NPEPL1: variants seen among roughly 807,000 people sequenced by gnomAD.
The protein encoded by NPEPL1 is probable aminopeptidase NPEPL1.
In NPEPL1, 45 loss-of-function variants were observed where a neutral mutation model predicts 52.4. That is an observed-to-expected ratio of 0.86 (90% CI 0.68 to 1.10). The LOEUF is 1.10. NPEPL1 is among the 50% of genes least tolerant of loss of function. NPEPL1 has a pLI of 0.00. For missense variants in NPEPL1, 696 were observed against 710.9 expected (o/e 0.98, Z 0.24); for synonymous variants, 360 against 314.7 (o/e 1.14, Z -1.52).
At chr20:58,700,671 G>A (rs1215467621) in intron 5 of NPEPL1, among the ~76,000 whole-genome samples, 1 of 152,216 alleles carries the variant, frequency 6.6e-6, no homozygotes, top group Non-Finnish European at 1.5e-5. Flanking sequence ...AAGTGGGGAC[G>A]AGCATGGGCT....
chr20:58,714,190 G>C (rs1368918542), intron 10 of NPEPL1, 97 bp downstream of exon 10: 3 of 1,408,810 alleles, frequency 2.1e-6, no homozygotes, highest in Admixed American at 5.9e-5. Context: ...GGGAGCTGGG[G>C]CCCCCCAGAA....
intron 7 of NPEPL1, 31 bp downstream of exon 7, chr20:58,707,231 G>T: frequency 2.0e-6 from 3 of 1,530,992 alleles, no homozygotes; most frequent in Non-Finnish European, 2.6e-6. Flanking sequence ...CTCTGCAGGG[G>T]CATCCTGGGT....
In NPEPL1 at chr20:58,693,721, C is replaced by G. The variant is rs201431001; in HGVS notation, c.151-16C>G. On this transcript the variant is annotated splice_polypyrimidine_tract_variant and intron_variant, in intron 1 of 11. Transcript: ENST00000356091. ...TGTTTGAAGCCTCTGTGTCTTGTCT[C>G]TCCCTTCTGATCTAGCTCTGGCAGG... 8 of 1,589,400 alleles carry G rather than the reference C, an allele frequency of 5.0e-6. No individual in the cohort carries two copies. Among genetic ancestry groups the G allele is most frequent in the Non-Finnish European group, 6.9e-6 (8 of 1,162,106 alleles).
Position 58,707,155 on chromosome 20 carries a change from G to A in NPEPL1, c.855G>A (p.Gly285=), listed in dbSNP as rs1333378278. The stretch of plus-strand genomic sequence containing the variant: ...TGCCGGGGATGAAGCGAGACTGCGG[G>A]GGTGCTGCGGCCGTCCTGGGGGCCT... ...TTMPGMKRDC[G]GAAAVLGAFR... is the part of the protein sequence containing the mutation. The change falls in exon 7 of 12, where the codon GGG becomes GGA. Residue 285 remains glycine (G), a synonymous_variant. Transcript: ENST00000356091. 4 of 1,552,726 alleles carry A rather than the reference G, an allele frequency of 2.6e-6. No individual in the cohort carries two copies. Among genetic ancestry groups the A allele is most frequent in the East Asian group, 2.4e-5 (1 of 41,182 alleles).
intron 6 of NPEPL1, among the ~76,000 whole-genome samples, chr20:58,702,255 C>T (rs1230449034): frequency 6.6e-6 from 1 of 152,254 alleles, no homozygotes; most frequent in Non-Finnish European, 1.5e-5. Context: ...GCGTTCTGTT[C>T]CCGCCTGGCA....
chr20:58,691,401 T>TTTTTGGGG, upstream of NPEPL1: 1 of 435,092 alleles, frequency 2.3e-6, no homozygotes, highest in Non-Finnish European at 4.0e-6. Flanking sequence ...TTTTTTTTTT[T>TTTTTGGGG]GAGTGCCTGC....
At position 58,698,793 on chromosome 20, in the gene NPEPL1, C is replaced by G. The variant is rs768904083; in HGVS notation, c.597+20C>G. The stretch of plus-strand genomic sequence containing the variant: ...CTCGAGGTTTGTGGCGTCATCAGGC[C>G]GGGGGTGGGACCAGGCTGGGGTGGG... On this transcript the variant is annotated intron_variant, in intron 4 of 11. Coordinates refer to ENST00000356091, the MANE Select transcript of NPEPL1 (RefSeq NM_024663.4). 1.3e-6 allele frequency: 2 copies of G among 1,597,896 alleles called. No individual in the cohort carries two copies. Among genetic ancestry groups the G allele is most frequent in the Non-Finnish European group, 1.7e-6 (2 of 1,167,940 alleles).
Position 58,704,008 on chromosome 20 carries a change from G to T in NPEPL1, c.822+2850G>T, listed in dbSNP as rs564989589. ...TATTTTAAACCAGCCCATCTTCCCC[G>T]CTGCAGTTGGAACCGTTCTACGTGG... On this transcript the variant is annotated intron_variant, in intron 6 of 11. Transcript: ENST00000356091. The T allele has an allele frequency of 1.1e-5, 11 of 985,306 alleles. No homozygotes were observed. In the African/African-American group the frequency reaches 1.9e-4, roughly 17 times the overall value. 61.0% of individuals were successfully genotyped at this position (985,306 alleles called of 1,614,324 possible).
chr20:58,711,625 T>G (rs927052057), intron 7 of NPEPL1: 1 of 152,588 alleles, frequency 6.6e-6, no homozygotes, highest in African/African-American at 2.4e-5. Context: ...CAGGGAGGTC[T>G]CAGGGACTCG....
rs994688882 is a variant in NPEPL1 at position 58,693,315 on chromosome 20, G to C, written c.150+265G>C. 1.1e-3 allele frequency: 186 copies of C among 165,604 alleles called. 1 individual carries two copies. The highest frequency in any genetic ancestry group is 1.5e-3 in the Non-Finnish European group (121 of 79,330). The allele number at this position is 165,604 out of a possible 1,614,324, so 10.3% of individuals were successfully genotyped here. A position where few individuals can be genotyped will look rare whatever the true frequency, so the allele number is the denominator to read the frequency against. Reference sequence around the variant, plus strand: ...GAGGCCGCGACACCTGCGGACGGCGGGGGGGGAGACGTGGCCGCTCCCAGG... The same window carrying C: ...GAGGCCGCGACACCTGCGGACGGCGCGGGGGGAGACGTGGCCGCTCCCAGG... On this transcript the variant is annotated intron_variant, in intron 1 of 11. Coordinates refer to ENST00000356091, the MANE Select transcript of NPEPL1 (RefSeq NM_024663.4).
In NPEPL1 at chr20:58,693,056, C is replaced by T; in HGVS notation, c.150+6C>T. 2 of 1,018,418 alleles carry T rather than the reference C, an allele frequency of 2.0e-6. No homozygotes were observed. The highest frequency in any genetic ancestry group is 7.5e-5 in the East Asian group (1 of 13,276). The allele number at this position is 1,018,418 out of a possible 1,614,324, so 63.1% of individuals were successfully genotyped here. A position where few individuals can be genotyped will look rare whatever the true frequency, so the allele number is the denominator to read the frequency against. On this transcript the variant is annotated splice_donor_region_variant and intron_variant, in intron 1 of 11. Coordinates refer to ENST00000356091, the MANE Select transcript of NPEPL1 (RefSeq NM_024663.4). ...AGCCCCGGGTCACCGAGGAGGTGAG[C>T]GGGCCGCCGGCCGCCATGCGACCCG...
At chr20:58,712,156 TTC>T (rs2084861733) in intron 7 of NPEPL1, among the ~76,000 whole-genome samples, 1 of 152,140 alleles carries the variant, frequency 6.6e-6, no homozygotes, top group South Asian at 2.1e-4. Context: ...GCTGGCCACC[TTC>T]TGTCGGCACA....
chr20:58,690,793 ATCTCCAAAATGACC>A (rs961332800), upstream of NPEPL1, among the ~76,000 whole-genome samples: 2 of 152,240 alleles, frequency 1.3e-5, no homozygotes, highest in Non-Finnish European at 2.9e-5. Flanking sequence ...AAAGAAAAAC[ATCTCCAAAATGACC>A]TCTCCACCAA....
At chr20:58,695,891 C>T (rs1171785438) in intron 3 of NPEPL1, among the ~76,000 whole-genome samples, 1 of 152,164 alleles carries the variant, frequency 6.6e-6, no homozygotes, top group Non-Finnish European at 1.5e-5. Context: ...TGTTGCCGTC[C>T]CTCCTTGAAG....
At chr20:58,698,657 C>T (rs1169364080) in intron 3 of NPEPL1, 27 bp from the exon 4 acceptor site, 1 of 1,597,054 alleles carries the variant, frequency 6.3e-7, no homozygotes, top group Non-Finnish European at 8.6e-7. Flanking sequence ...CCCACCTGGT[C>T]CCCAGTGATG....
intron 6 of NPEPL1, among the ~76,000 whole-genome samples, chr20:58,701,384 A>G (rs111817789): frequency 0.11 from 2,378 of 22,054 alleles, no homozygotes; most frequent in Middle Eastern, 0.19. Flanking sequence ...GGGGGGGGGG[A>G]GGGGCCCAGT....
At chr20:58,714,517 G>A in intron 10 of NPEPL1, 43 bp from the exon 11 acceptor site, 1 of 1,445,778 alleles carries the variant, frequency 6.9e-7, no homozygotes, top group Non-Finnish European at 9.3e-7. Flanking sequence ...AGAGGGCCCG[G>A]CCGGAGCAAC....
chr20:58,692,809 G>T lies in NPEPL1; in HGVS notation c.-92G>T, dbSNP rs926869710. ...CCGCGGGCTGCCGGGCAGGGCCGGG[G>T]CGGTGCCGAGGCCGGGCCGGAGCGG... On this transcript the variant is annotated 5_prime_UTR_variant, in exon 1 of 12. Coordinates refer to ENST00000356091, the MANE Select transcript of NPEPL1 (RefSeq NM_024663.4). This position sits in a 1 kb window ranked among gnomAD's most constrained non-coding sequence, Gnocchi z 5.7. 3.1e-6 allele frequency: 3 copies of T among 974,292 alleles called. No individual in the cohort carries two copies. The highest frequency in any genetic ancestry group is 2.4e-6 in the Non-Finnish European group (2 of 822,394). 60.4% of individuals were successfully genotyped at this position (974,292 alleles called of 1,614,324 possible).
Position 58,692,904 on chromosome 20 carries a change from G to A in NPEPL1, c.4G>A (p.Ala2Thr). The A allele has an allele frequency of 9.4e-7, 1 of 1,068,116 alleles. No individual in the cohort carries two copies. The highest frequency in any genetic ancestry group is 1.1e-6 in the Non-Finnish European group (1 of 880,010). 66.2% of individuals were successfully genotyped at this position (1,068,116 alleles called of 1,614,324 possible). A position where few individuals can be genotyped will look rare whatever the true frequency, so the allele number is the denominator to read the frequency against. ...CGGGGCGTGGGCCGGCAGGAAGATG[G>A]CGAACGTGGGGCTGCAGTTCCAGGC... M[A>T]NVGLQFQASA... The change falls in exon 1 of 12, where the codon GCG becomes ACG. Residue 2 changes from alanine (A) to threonine (T), a missense_variant. By Grantham distance (58) the Ala-to-Thr change is moderately conservative (BLOSUM62 0). Transcript: ENST00000356091. This position sits in a 1 kb window ranked among gnomAD's most constrained non-coding sequence, Gnocchi z 5.7.
Sources: allele counts gnomAD v4.1 joint callset (sites outside exome capture counted in the v4.1 genomes callset), GRCh38; gene constraint gnomAD v4.1.1; non-coding constraint Gnocchi (gnomAD v3.1); transcripts MANE v1.5; gene names NCBI Gene and HGNC (gene_info 2026-07-23, HGNC 2026-07-21).